EXD3: variants seen among roughly 807,000 people sequenced by gnomAD.
EXD3 encodes the protein exonuclease mut-7 homolog.
In EXD3, 92 loss-of-function variants were observed where a neutral mutation model predicts 98.0. The ratio of observed to expected loss-of-function variants is 0.94; its 90% CI spans 0.79 to 1.12. EXD3 has a LOEUF of 1.12. Among genes scored for constraint, EXD3 ranks in the 50% most tolerant of loss-of-function variants. EXD3 has a pLI of 0.00. For missense variants in EXD3, 1,222 were observed against 1,191.6 expected (o/e 1.03, Z -0.38); for synonymous variants, 569 against 526.0 (o/e 1.08, Z -1.12).
Position 137,349,675 on chromosome 9 carries a change from G to A in EXD3, c.1495-144C>T, listed in dbSNP as rs1275589929. The A allele has an allele frequency of 3.3e-6, 3 of 907,560 alleles. No homozygotes were observed. The highest frequency in any genetic ancestry group is 4.7e-6 in the Non-Finnish European group (3 of 636,388). 56.2% of individuals were successfully genotyped at this position (907,560 alleles called of 1,614,324 possible). ...GCCCCCACAGCAGAGACGGGGAGAA[G>A]GAGCGGACACATCCGAGGAGAGGCT... is the stretch of plus-strand genomic sequence containing the variant. On this transcript the variant is annotated intron_variant, in intron 14 of 21. Transcript: ENST00000340951. The surrounding 1 kb of genome is among the most constrained non-coding windows in gnomAD (Gnocchi z 7.4).
chr9:137,354,343 A>G lies in EXD3; in HGVS notation c.866T>C (p.Val289Ala). ...CAGGCAAGGGCACGAACTCACCTGC[A>G]CATGGTCGGTCCAGTTCTCCTGTGA... ...SLSQENWTDH[V>A]QGLVGQSPWL... The change falls in exon 10 of 22, where the codon GTG (valine) becomes GCG (alanine). Residue 289 changes from valine to alanine, a missense_variant. Transcript: ENST00000340951. 2 of 1,612,392 alleles carry G rather than the reference A, an allele frequency of 1.2e-6. No homozygotes were observed. The highest frequency in any genetic ancestry group is 1.7e-6 in the Non-Finnish European group (2 of 1,179,726).
Position 137,349,484 on chromosome 9 carries a change from C to A in EXD3, c.1542G>T (p.Glu514Asp), listed in dbSNP as rs1382309573. The A allele has an allele frequency of 2.5e-6, 4 of 1,603,474 alleles. No individual in the cohort carries two copies. The highest frequency in any genetic ancestry group is 3.4e-6 in the Non-Finnish European group (4 of 1,177,636). ...GCACCAGGAGGCTCAGGCCCCTCAG[C>A]TCCCTGGCCCTGTCCACGGCTGGGG... ...VPAPAVDRAR[E>D]LRGLSLLVQQ... is the part of the protein sequence containing the mutation. The change falls in exon 15 of 22, where the codon GAG becomes GAT. Residue 514 changes from glutamate to aspartate, a missense_variant. Physicochemically the swap from Glu to Asp is conservative, Grantham distance 45 (BLOSUM62 2). Transcript: ENST00000340951. The surrounding 1 kb of genome is among the most constrained non-coding windows in gnomAD (Gnocchi z 7.4).
chr9:137,375,155 C>T (rs556406198), intron 3 of EXD3, among the ~76,000 whole-genome samples: 17 of 152,330 alleles, frequency 1.1e-4, no homozygotes, highest in Admixed American at 5.2e-4. Context: ...ACTATAGGCG[C>T]GCGCCACCAT....
At chr9:137,411,737 G>A (rs1321617016) in intron 1 of EXD3, among the ~76,000 whole-genome samples, 1 of 143,360 alleles carries the variant, frequency 7.0e-6, no homozygotes, top group East Asian at 2.1e-4. Flanking sequence ...GGGAGGGGGA[G>A]GGGGTGGGGG....
chr9:137,393,504 C>T lies in EXD3; in HGVS notation c.55+1799G>A. ...GGGGCCACATCCACACCAAGCCCCG[C>T]CCAGCTCAGAGGTGGCCCCTCCCCG... On this transcript the variant is annotated intron_variant, in intron 2 of 21. Transcript: ENST00000340951. The surrounding 1 kb of genome is among the most constrained non-coding windows in gnomAD (Gnocchi z 4.6). Among the ~76,000 whole-genome samples, 1 of 152,212 alleles carries T rather than the reference C, an allele frequency of 6.6e-6. No homozygotes were observed. The highest frequency in any genetic ancestry group is 2.1e-4 in the South Asian group (1 of 4,838).
intron 17 of EXD3, among the ~76,000 whole-genome samples, chr9:137,335,075 T>A (rs758402607): frequency 4.1e-5 from 6 of 147,892 alleles, no homozygotes; most frequent in Non-Finnish European, 6.0e-5. Flanking sequence ...AGACTCTGTC[T>A]CAAAAGGAAA....
intron 5 of EXD3, among the ~76,000 whole-genome samples, chr9:137,370,919 C>T (rs1005851190): frequency 5.9e-5 from 9 of 152,254 alleles, no homozygotes; most frequent in Non-Finnish European, 8.8e-5. Flanking sequence ...CCGCTGCCCT[C>T]GACATGAAAT....
intron 1 of EXD3, among the ~76,000 whole-genome samples, chr9:137,419,168 AT>A (rs1354301324): frequency 6.6e-6 from 1 of 152,228 alleles, no homozygotes; most frequent in Non-Finnish European, 1.5e-5. Context: ...GTATAAATGT[AT>A]TATTAACATA....
chr9:137,330,340 G>A (rs1437022512), intron 17 of EXD3, among the ~76,000 whole-genome samples: 1 of 136,416 alleles, frequency 7.3e-6, no homozygotes, highest in Non-Finnish European at 1.5e-5. Flanking sequence ...GACTACACAG[G>A]ACTACACAGG....
chr9:137,372,954 C>A lies in EXD3; in HGVS notation c.413G>T (p.Cys138Phe). Residue 138 changes from cysteine (C) to phenylalanine (F), a missense_variant, in exon 5 of 22, where the codon TGC becomes TTC. Transcript: ENST00000340951. ...GAGGCGGTGGACGTGTGCCAGCAGG[C>A]AGCTCCTGTCTGCATCCTGCAGCTG... ...IFQLQDADRS[C>F]LLAHVHRLHH... 1 of 1,602,550 alleles carries A rather than the reference C, an allele frequency of 6.2e-7. No homozygotes were observed.
At chr9:137,406,477 CCT>C (rs1435097940) in intron 1 of EXD3, among the ~76,000 whole-genome samples, 2 of 152,120 alleles carry the variant, frequency 1.3e-5, no homozygotes, top group East Asian at 1.9e-4. Context: ...GGCCGCTCCA[CCT>C]CTGTTTGTCT....
intron 2 of EXD3, among the ~76,000 whole-genome samples, chr9:137,389,609 G>A (rs1233661955): frequency 6.6e-6 from 1 of 152,172 alleles, no homozygotes; most frequent in Non-Finnish European, 1.5e-5. Flanking sequence ...ACGCCACTCA[G>A]AGACAGTGAG....
At chr9:137,370,609 A>G (rs963211830) in intron 5 of EXD3, among the ~76,000 whole-genome samples, 1 of 150,702 alleles carries the variant, frequency 6.6e-6, no homozygotes, top group Non-Finnish European at 1.5e-5. Flanking sequence ...TTCAGGAAAA[A>G]AAAAAAAAAA....
rs187608325 is a variant in EXD3, at chr9:137,406,412, C to T, written c.-47-11008G>A. ...GCTGAGAGCTGGGGGCTGAGTGCAG[C>T]CAGGGCGGGGTGAGCCTCGTGACAC... On this transcript the variant is annotated intron_variant, in intron 1 of 21. Transcript: ENST00000340951. Among the ~76,000 whole-genome samples, 384 of 152,192 alleles carry T rather than the reference C, an allele frequency of 2.5e-3. 2 individuals carry two copies. Among genetic ancestry groups the T allele is most frequent in the African/African-American group, 7.7e-3 (319 of 41,522 alleles).
At chr9:137,398,444 G>A (rs2131779889) in intron 1 of EXD3, among the ~76,000 whole-genome samples, 1 of 152,328 alleles carries the variant, frequency 6.6e-6, no homozygotes, top group Middle Eastern at 3.4e-3. Flanking sequence ...AGCACCTCAG[G>A]CAGAACCGCA....
At chr9:137,396,680 C>T (rs921481114) in intron 1 of EXD3, among the ~76,000 whole-genome samples, 4 of 152,334 alleles carry the variant, frequency 2.6e-5, no homozygotes, top group African/African-American at 7.2e-5. Context: ...ACGTGGACAT[C>T]GTCTGTGGAC....
intron 1 of EXD3, among the ~76,000 whole-genome samples, chr9:137,396,092 C>T (rs1169326499): frequency 4.6e-5 from 7 of 152,038 alleles, no homozygotes; most frequent in South Asian, 2.1e-4. Context: ...CTCAGCCTCC[C>T]GAGTAGCTGG....
At chr9:137,358,998 G>T (rs1430828547) in intron 7 of EXD3, among the ~76,000 whole-genome samples, 1 of 149,964 alleles carries the variant, frequency 6.7e-6, no homozygotes. Context: ...CCAGGCTGGA[G>T]TGCAGTGGTG....
intron 1 of EXD3, among the ~76,000 whole-genome samples, chr9:137,420,957 G>A (rs1294470573): frequency 6.6e-6 from 1 of 152,182 alleles, no homozygotes; most frequent in Non-Finnish European, 1.5e-5. Context: ...TGGGACTACA[G>A]GTGAGCACCA....
Sources: allele counts gnomAD v4.1 joint callset (sites outside exome capture counted in the v4.1 genomes callset), GRCh38; gene constraint gnomAD v4.1.1; non-coding constraint Gnocchi (gnomAD v3.1); transcripts MANE v1.5; gene names NCBI Gene and HGNC (gene_info 2026-07-23, HGNC 2026-07-21).